Variants in SUMF1 observed in about 807,000 individuals in gnomAD.
The protein encoded by SUMF1 is formylglycine-generating enzyme.
A neutral mutation model predicts 47.6 loss-of-function variants in SUMF1; 48 were observed. The observed-to-expected ratio is 1.01, with a 90% CI of 0.80 to 1.28. SUMF1 has a LOEUF of 1.28. Ranked by LOEUF, SUMF1 falls within the 50% of genes most tolerant of loss-of-function variation. The pLI is 0.00. For missense variants in SUMF1, 571 were observed against 485.4 expected (o/e 1.18, Z -1.66); for synonymous variants, 230 against 192.1 (o/e 1.20, Z -1.63).
intron 8 of SUMF1, among the ~76,000 whole-genome samples, chr3:4,159,976 T>C (rs1333667962): frequency 2.6e-5 from 4 of 152,290 alleles, no homozygotes; most frequent in East Asian, 3.9e-4. Flanking sequence ...TTGCTTATTT[T>C]AGAATCCTTT....
At chr3:4,272,587 G>A (rs536077442) in intron 8 of SUMF1, among the ~76,000 whole-genome samples, 3 of 152,286 alleles carry the variant, frequency 2.0e-5, no homozygotes, top group African/African-American at 7.2e-5. Context: ...TCAGACCTGA[G>A]GGAGAACCTG....
At chr3:4,422,612 T>C (rs922539241) in intron 3 of SUMF1, among the ~76,000 whole-genome samples, 3 of 152,130 alleles carry the variant, frequency 2.0e-5, no homozygotes, top group African/African-American at 7.2e-5. Context: ...AAAGAGTTTG[T>C]GGCTTTTGGC....
intron 9 of SUMF1, among the ~76,000 whole-genome samples, chr3:4,047,351 T>C (rs550955275): frequency 6.6e-6 from 1 of 152,276 alleles, no homozygotes; most frequent in South Asian, 2.1e-4. Flanking sequence ...CCCAACAGTA[T>C]AATCTTGGTC....
intron 8 of SUMF1, among the ~76,000 whole-genome samples, chr3:4,134,688 T>A (rs1002969670): frequency 6.6e-5 from 10 of 151,494 alleles, no homozygotes; most frequent in Non-Finnish European, 1.2e-4. Context: ...CAGGAGCTGG[T>A]TTTTTGAAAA....
intron 3 of SUMF1, among the ~76,000 whole-genome samples, chr3:4,424,590 TAACTTAAAATTACAAAATAACCC>T (rs61583594): frequency 0.61 from 92,960 of 151,912 alleles, 29,505 homozygotes; most frequent in East Asian, 0.94. Context: ...ATATAGTTTC[TAACTTAAAATTACAAAATAACCC>T]AACTGTCCTT....
chr3:4,112,116 C>G (rs866324680), intron 8 of SUMF1, among the ~76,000 whole-genome samples: 1 of 152,078 alleles, frequency 6.6e-6, no homozygotes, highest in Non-Finnish European at 1.5e-5. Flanking sequence ...ACAATTAACT[C>G]TAGTGCAGAC....
chr3:4,182,104 C>T (rs1217463676), intron 8 of SUMF1, among the ~76,000 whole-genome samples: 2 of 151,938 alleles, frequency 1.3e-5, no homozygotes, highest in Non-Finnish European at 2.9e-5. Flanking sequence ...CAAAGGCTGC[C>T]CTAGAGATTC....
At chr3:4,316,290 GA>G in intron 8 of SUMF1, 4 of 1,040,012 alleles carry the variant, frequency 3.8e-6, no homozygotes, top group Non-Finnish European at 5.8e-6. Flanking sequence ...TAAAGCAGCA[GA>G]AACAACTCGC....
At chr3:4,174,165 G>A (rs1002312511) in intron 8 of SUMF1, among the ~76,000 whole-genome samples, 18 of 151,840 alleles carry the variant, frequency 1.2e-4, no homozygotes, top group African/African-American at 4.4e-4. Flanking sequence ...GAGCATCCTG[G>A]CTAACATGGT....
intron 8 of SUMF1, among the ~76,000 whole-genome samples, chr3:4,081,249 T>C (rs561603028): frequency 6.6e-6 from 1 of 152,160 alleles, no homozygotes; most frequent in Admixed American, 6.5e-5. Flanking sequence ...AGAACCCAAT[T>C]TTTCTAAACC....
In SUMF1 at chr3:4,179,729, G is replaced by A. The variant is rs543201444; in HGVS notation, c.1015-110984C>T. Among the ~76,000 whole-genome samples, 72 of 152,220 alleles carry A rather than the reference G, an allele frequency of 4.7e-4. 2 individuals are homozygous for A. Among genetic ancestry groups the A allele is most frequent in the Admixed American group, 4.3e-3 (65 of 15,286 alleles). On this transcript the variant is annotated intron_variant and NMD_transcript_variant, in intron 8 of 12. Transcript: ENST00000448413. The stretch of plus-strand genomic sequence containing the variant: ...AAACTAAAGAGCTTCTGCACGGCAA[G>A]AGAAACTATCATCAGCGTGAACTGG...
At chr3:4,054,284 C>A (rs558337364) in intron 9 of SUMF1, among the ~76,000 whole-genome samples, 1 of 152,126 alleles carries the variant, frequency 6.6e-6, no homozygotes, top group African/African-American at 2.4e-5. Flanking sequence ...TCACCAGAAA[C>A]AAAACAGCTT....
At chr3:4,182,972 G>A (rs904249606) in intron 8 of SUMF1, among the ~76,000 whole-genome samples, 7 of 152,052 alleles carry the variant, frequency 4.6e-5, no homozygotes, top group African/African-American at 7.2e-5. Context: ...TCTTGGACTC[G>A]GGGCCCCAGT....
chr3:4,170,564 C>T (rs890170778), intron 8 of SUMF1, among the ~76,000 whole-genome samples: 3 of 152,136 alleles, frequency 2.0e-5, no homozygotes, highest in Non-Finnish European at 4.4e-5. Flanking sequence ...GGAAGATTTA[C>T]ACTATTGATT....
chr3:4,370,819 A>G (rs1700146274), intron 8 of SUMF1, among the ~76,000 whole-genome samples: 1 of 152,206 alleles, frequency 6.6e-6, no homozygotes, highest in African/African-American at 2.4e-5. Flanking sequence ...ATTTTATGCT[A>G]TGAAAATGTT....
intron 8 of SUMF1, among the ~76,000 whole-genome samples, chr3:4,170,061 AC>A (rs1372989489): frequency 3.3e-5 from 5 of 152,166 alleles, no homozygotes; most frequent in African/African-American, 1.2e-4. Flanking sequence ...TGGCCTGCAG[AC>A]CAAATCTGCC....
chr3:4,263,127 CATGTA>C (rs1190934787), intron 8 of SUMF1, among the ~76,000 whole-genome samples: 1 of 152,050 alleles, frequency 6.6e-6, no homozygotes, highest in African/African-American at 2.4e-5. Context: ...GAGATATGAT[CATGTA>C]AAGGTCAAGG....
intron 7 of SUMF1, 57 bp from the exon 8 acceptor site, chr3:4,376,446 A>G: frequency 8.9e-6 from 14 of 1,570,768 alleles, no homozygotes; most frequent in Non-Finnish European, 1.2e-5. Flanking sequence ...CCCCTTACAC[A>G]GTGGGAGAGA....
chr3:4,322,656 C>G (rs1178999118), intron 8 of SUMF1, among the ~76,000 whole-genome samples: 1 of 148,678 alleles, frequency 6.7e-6, no homozygotes, highest in Non-Finnish European at 1.5e-5. Context: ...GGAGACCTGC[C>G]TATAAAAAAA....
Sources: allele counts gnomAD v4.1 joint callset (sites outside exome capture counted in the v4.1 genomes callset), GRCh38; gene constraint gnomAD v4.1.1; transcripts MANE v1.5; gene names NCBI Gene and HGNC (gene_info 2026-07-23, HGNC 2026-07-21).